Variants in NUP205 observed in about 807,000 individuals in gnomAD.
NUP205 encodes the protein nuclear pore complex protein Nup205.
A neutral mutation model predicts 253.8 loss-of-function variants in NUP205; 76 were observed. That is an observed-to-expected ratio of 0.30 (90% CI 0.25 to 0.36). The LOEUF (loss-of-function observed/expected upper bound fraction) is 0.36, where lower values mean the gene tolerates loss of function less well. NUP205 is among the 10% of genes least tolerant of loss of function. NUP205 has a pLI of 1.00. For missense variants in NUP205, 2,162 were observed against 2,425.5 expected (o/e 0.89, Z 2.28); for synonymous variants, 832 against 850.1 (o/e 0.98, Z 0.37).
At chr7:135,601,573 A>G (rs1265800284) in intron 17 of NUP205, 66 bp downstream of exon 17, 11 of 1,512,056 alleles carry the variant, frequency 7.3e-6, no homozygotes, top group Non-Finnish European at 9.9e-6. Flanking sequence ...GTAAACTGAG[A>G]ATTTGAAATA....
chr7:135,560,024 A>G (rs1805541309), intron 1 of NUP205, among the ~76,000 whole-genome samples: 1 of 151,754 alleles, frequency 6.6e-6, no homozygotes, highest in African/African-American at 2.4e-5. Flanking sequence ...ACACCCAGCT[A>G]ATTTTTTGTA....
intron 1 of NUP205, among the ~76,000 whole-genome samples, chr7:135,570,052 TAGAGAG>T (rs373590569): frequency 0.035 from 2,773 of 78,880 alleles, 54 homozygotes; most frequent in Middle Eastern, 0.07. Flanking sequence ...TATATATATA[TAGAGAG>T]AGAGAGAGAG....
intron 22 of NUP205, among the ~76,000 whole-genome samples, chr7:135,608,579 G>T (rs577420380): frequency 6.6e-6 from 1 of 151,780 alleles, no homozygotes; most frequent in Non-Finnish European, 1.5e-5. Flanking sequence ...GTGGTGGCAC[G>T]TGCCTGTAAT....
At chr7:135,600,534 C>T (rs1793945253) in intron 15 of NUP205, among the ~76,000 whole-genome samples, 1 of 152,118 alleles carries the variant, frequency 6.6e-6, no homozygotes, top group Non-Finnish European at 1.5e-5. Context: ...ATGTTTGGCA[C>T]TTGAAAAGTG....
At chr7:135,644,820 C>T (rs1584695815) in intron 39 of NUP205, 75 bp from the exon 40 acceptor site, 1 of 1,384,744 alleles carries the variant, frequency 7.2e-7, no homozygotes, top group East Asian at 2.4e-5. Context: ...ATCATGGTGA[C>T]CTGCTGATAG....
intron 1 of NUP205, among the ~76,000 whole-genome samples, chr7:135,560,649 T>G (rs1805558070): frequency 6.6e-6 from 1 of 152,194 alleles, no homozygotes; most frequent in African/African-American, 2.4e-5. Flanking sequence ...TATGCAGCCT[T>G]AAAAAGGAAG....
Position 135,571,139 on chromosome 7 carries a change from G to T in NUP205, c.63G>T (p.Trp21Cys). 6.5e-7 allele frequency: 1 copy of T among 1,547,578 alleles called. No homozygotes were observed. ...TATGGGGTCCTTACAAAGACATTTG[G>T]CATAAAGTGGGAAATGCTCTTTGGA... ...ASLWGPYKDI[W>C]HKVGNALWRR... Residue 21 changes from tryptophan to cysteine, a missense_variant, in exon 2 of 43, where the codon TGG (tryptophan) becomes TGT (cysteine). Physicochemically the swap from Trp to Cys is radical, Grantham distance 215 (BLOSUM62 -2). Around this residue, in one of 5 missense-constraint regions of NUP205, gnomAD observed 109 missense variants for 131.8 expected, o/e 0.83. Coordinates refer to ENST00000285968, the MANE Select transcript of NUP205 (RefSeq NM_015135.3).
chr7:135,583,348 T>C (rs2129490003), intron 7 of NUP205, among the ~76,000 whole-genome samples: 1 of 152,288 alleles, frequency 6.6e-6, no homozygotes, highest in East Asian at 1.9e-4. Flanking sequence ...CAGCAATATG[T>C]TTCTTGATGG....
In NUP205 at chr7:135,567,120, CTATGTGTGTATATATATATATA is replaced by C. The variant is rs1196623869; in HGVS notation, c.29-3981_29-3960del. ...TGGGATTCTGTCTGTCTTGCTCAGT[CTATGTGTGTATATATATATATA>C]TATATATATATATATATATATATAT... On this transcript the variant is annotated intron_variant, in intron 1 of 42. Coordinates refer to ENST00000285968, the MANE Select transcript of NUP205 (RefSeq NM_015135.3). 7.9e-3 allele frequency among the ~76,000 whole-genome samples: 424 copies of C among 53,832 alleles called. 24 individuals are homozygous for C. Among genetic ancestry groups the C allele is most frequent in the East Asian group, 9.5e-3 (11 of 1,156 alleles). 35.3% of individuals were successfully genotyped at this position (53,832 alleles called of 152,430 possible).
intron 7 of NUP205, among the ~76,000 whole-genome samples, chr7:135,584,271 T>G (rs1806397299): frequency 6.6e-6 from 1 of 152,176 alleles, no homozygotes; most frequent in African/African-American, 2.4e-5. Flanking sequence ...GTGATGGGTA[T>G]GTAGAGGTTT....
rs1373473638 is a variant in NUP205 at position 135,591,498 on chromosome 7, A to G, written c.1522A>G (p.Thr508Ala). Residue 508 changes from threonine (T) to alanine (A), a missense_variant, in exon 11 of 43, where the codon ACT becomes GCT. Around this residue, in one of 5 missense-constraint regions of NUP205, gnomAD observed 892 missense variants for 957.1 expected, o/e 0.93. Transcript: ENST00000285968. The part of the protein sequence containing the change: ...VRQMGDLLPP[T>A]IYIPYLKMLQ... ...GCAAATGGGTGACCTGTTGCCTCCA[A>G]CTATTTATATTCCTTATTTGAAGAT... 1.2e-6 allele frequency: 2 copies of G among 1,613,924 alleles called. No homozygotes were observed. The highest frequency in any genetic ancestry group is 1.7e-6 in the Non-Finnish European group (2 of 1,179,926).
At chr7:135,559,484 C>A (rs1047017853) in intron 1 of NUP205, among the ~76,000 whole-genome samples, 25 of 152,244 alleles carry the variant, frequency 1.6e-4, no homozygotes, top group Non-Finnish European at 3.4e-4. Flanking sequence ...AATTCTCCTG[C>A]CTCAGCCTCC....
At chr7:135,621,983 T>C (rs1563132788) in intron 30 of NUP205, among the ~76,000 whole-genome samples, 1 of 151,856 alleles carries the variant, frequency 6.6e-6, no homozygotes, top group Non-Finnish European at 1.5e-5. Context: ...TTTGTATTTT[T>C]AGTAGAGACG....
chr7:135,637,935 A>G lies in NUP205; in HGVS notation c.5141A>G (p.Gln1714Arg), dbSNP rs979566825. ...AAGATATCTTTTTCTTGTTAGCGCC[A>G]GTGCTTAGGACTACTAAGTCGCTTT... ...LQGHIGRFQRQCLGLLSRFGG... is the reference protein window; with the variant it reads ...LQGHIGRFQRRCLGLLSRFGG... The change falls in exon 37 of 43, where the codon CAG (glutamine) becomes CGG (arginine). Residue 1714 changes from glutamine to arginine, a missense_variant. Physicochemically the swap from Gln to Arg is conservative, Grantham distance 43 (BLOSUM62 1). Around this residue, in one of 5 missense-constraint regions of NUP205, gnomAD observed 1,144 missense variants for 1,280.9 expected, o/e 0.89. Transcript: ENST00000285968. The G allele has an allele frequency of 6.2e-7, 1 of 1,607,096 alleles. No homozygotes were observed. Among genetic ancestry groups the G allele is most frequent in the African/African-American group, 1.3e-5 (1 of 74,348 alleles).
rs1806468277 is a variant in NUP205 at position 135,586,467 on chromosome 7, G to T, written c.1219-1108G>T. 2.0e-5 allele frequency among the ~76,000 whole-genome samples: 3 copies of T among 151,632 alleles called. No homozygotes were observed. In the South Asian group the frequency reaches 6.2e-4, roughly 32 times the overall value. On this transcript the variant is annotated intron_variant, in intron 8 of 42. Coordinates refer to ENST00000285968, the MANE Select transcript of NUP205 (RefSeq NM_015135.3). ...TTATTATTTTCTTCCCTCTGCCTTG[G>T]GTTTAATTTGCTCCCTTAATTTTGT...
At position 135,616,084 on chromosome 7, in the gene NUP205, T is replaced by C; in HGVS notation, c.3460+19T>C. ...TACTCAGGTGAGTATTAGTATTTGTTTTATTGTGCTGGTGACTAGTTGTCG... is the reference window on the plus strand; with the variant it reads ...TACTCAGGTGAGTATTAGTATTTGTCTTATTGTGCTGGTGACTAGTTGTCG... On this transcript the variant is annotated intron_variant, in intron 24 of 42. Coordinates refer to ENST00000285968, the MANE Select transcript of NUP205 (RefSeq NM_015135.3). 6.2e-7 allele frequency: 1 copy of C among 1,603,246 alleles called. No homozygotes were observed. The highest frequency in any genetic ancestry group is 8.5e-7 in the Non-Finnish European group (1 of 1,174,174).
In NUP205 at chr7:135,602,811, A is replaced by G. The variant is rs1211469605; in HGVS notation, c.2519A>G (p.Lys840Arg). 6 of 1,602,896 alleles carry G rather than the reference A, an allele frequency of 3.7e-6. No individual in the cohort carries two copies. Among genetic ancestry groups the G allele is most frequent in the Non-Finnish European group, 5.1e-6 (6 of 1,177,634 alleles). The change falls in exon 18 of 43, where the codon AAA (lysine) becomes AGA (arginine). Residue 840 changes from lysine (K) to arginine (R), a missense_variant. Lys to Arg is a conservative substitution (Grantham distance 26, BLOSUM62 2). This residue lies in a region of NUP205 where 892 missense variants were observed against 957.1 expected (regional missense o/e 0.93). Transcript: ENST00000285968. The part of the protein sequence containing the change: ...LDTYAPFPGK[K>R]HLEKAVQHCL... The stretch of plus-strand genomic sequence containing the variant: ...CTTTATTTTTGGTTGATAGGGAAAA[A>G]ACACCTGGAGAAAGCAGTACAGCAT...
rs1469070562 is a variant in NUP205, at chr7:135,606,920, A to T, written c.3070+5A>T. The stretch of plus-strand genomic sequence containing the variant: ...CTACAAACCTACAAGATCCAGGTAT[A>T]GCCTAAGACATAAAGGCATTTCTTT... On this transcript the variant is annotated splice_donor_5th_base_variant and intron_variant, in intron 21 of 42. Coordinates refer to ENST00000285968, the MANE Select transcript of NUP205 (RefSeq NM_015135.3). 4 of 1,611,650 alleles carry T rather than the reference A, an allele frequency of 2.5e-6. No homozygotes were observed. Among genetic ancestry groups the T allele is most frequent in the Non-Finnish European group, 3.4e-6 (4 of 1,178,646 alleles).
At chr7:135,622,756 T>C (rs767265996) in intron 30 of NUP205, 21 bp from the exon 31 acceptor site, 2 of 1,611,714 alleles carry the variant, frequency 1.2e-6, no homozygotes, top group African/African-American at 1.3e-5. Context: ...GGAGTGTTTT[T>C]TTCTGTTTTA....
Sources: gnomAD v4.1 joint callset for allele counts (sites outside exome capture counted in the v4.1 genomes callset) on GRCh38, gnomAD v4.1.1 for gene constraint, gnomAD v4.1.1 regional missense constraint, MANE v1.5 for transcripts, NCBI Gene and HGNC (gene_info 2026-07-23, HGNC 2026-07-21) for gene names.